Variants in EFHD2 observed in about 807,000 individuals in gnomAD.
The protein encoded by EFHD2 is EF-hand domain-containing protein D2.
Under a neutral mutation model 20.3 loss-of-function variants are expected in EFHD2, and 12 were observed. The ratio of observed to expected loss-of-function variants is 0.59; its 90% CI spans 0.38 to 0.96. EFHD2 has a LOEUF of 0.96. Among genes scored for constraint, EFHD2 ranks in the 40% least tolerant of loss-of-function variants. The pLI is 0.00. For missense variants in EFHD2, 250 were observed against 334.3 expected, an observed-to-expected ratio of 0.75 and a Z score of 1.97; for synonymous variants, 131 against 143.9, an observed-to-expected ratio of 0.91 and a Z score of 0.64.
intron 3 of EFHD2, chr1:15,428,126 G>A (rs1376380168): frequency 5.0e-6 from 2 of 396,450 alleles, no homozygotes; most frequent in Non-Finnish European, 1.0e-5. Flanking sequence ...CAGGGCCAGA[G>A]CTGGTGAGGT....
intron 1 of EFHD2, among the ~76,000 whole-genome samples, chr1:15,424,548 C>T (rs2103278882): frequency 6.6e-6 from 1 of 152,216 alleles, no homozygotes; most frequent in African/African-American, 2.4e-5. Flanking sequence ...GATGCTTGTT[C>T]CCGGCTTCCC....
At chr1:15,422,721 C>T (rs1015582278) in intron 1 of EFHD2, among the ~76,000 whole-genome samples, 2 of 151,986 alleles carry the variant, frequency 1.3e-5, no homozygotes, top group African/African-American at 2.4e-5. Context: ...ATTAGCCGAG[C>T]GTGGTGGCGG....
chr1:15,428,536 G>T, intron 3 of EFHD2, 57 bp from the exon 4 acceptor site: 1 of 1,563,056 alleles, frequency 6.4e-7, no homozygotes, highest in East Asian at 2.3e-5. Flanking sequence ...CTGTAGCACA[G>T]AGAACCCCCA....
chr1:15,412,032 C>T (rs1176948494), intron 1 of EFHD2, among the ~76,000 whole-genome samples: 2 of 152,090 alleles, frequency 1.3e-5, no homozygotes. Context: ...AAGTCCTTGA[C>T]CCCCGGCCCC....
chr1:15,415,337 T>A (rs1036412264), intron 1 of EFHD2, among the ~76,000 whole-genome samples: 1 of 152,126 alleles, frequency 6.6e-6, no homozygotes, highest in Non-Finnish European at 1.5e-5. Flanking sequence ...ATGCTGATGT[T>A]CTCTTTGTAG....
intron 1 of EFHD2, among the ~76,000 whole-genome samples, chr1:15,412,982 C>T (rs933492928): frequency 7.2e-5 from 11 of 152,126 alleles, no homozygotes; most frequent in Non-Finnish European, 1.3e-4. Flanking sequence ...GTGCTGCCTG[C>T]CAGGGCCCGG....
chr1:15,410,328 C>G, intron 1 of EFHD2, 49 bp downstream of exon 1: 3 of 1,510,808 alleles, frequency 2.0e-6, no homozygotes, highest in Non-Finnish European at 2.7e-6. Context: ...GACCCGGTCT[C>G]GGGCCCCGAA....
chr1:15,428,946 G>A lies in EFHD2; in HGVS notation c.*222G>A, dbSNP rs1393518437. ...GCCGCCACACCGGCGCTGGCTCCCT[G>A]CCCGGCCCGGCCCTCCCTGGCAATC... On this transcript the variant is annotated 3_prime_UTR_variant, in exon 4 of 4. Coordinates refer to ENST00000375980, the MANE Select transcript of EFHD2 (RefSeq NM_024329.6). The A allele has an allele frequency of 1.7e-6, 1 of 589,594 alleles. No individual in the cohort carries two copies. The highest frequency in any genetic ancestry group is 2.9e-6 in the Non-Finnish European group (1 of 349,252). 36.5% of individuals were successfully genotyped at this position (589,594 alleles called of 1,614,324 possible).
rs900796122 is a variant in EFHD2 at position 15,426,290 on chromosome 1, C to T, written c.456+272C>T. On this transcript the variant is annotated intron_variant, in intron 2 of 3. Transcript: ENST00000375980. The surrounding 1 kb of genome is among the most constrained non-coding windows in gnomAD (Gnocchi z 4.6). Reference sequence around the variant, plus strand: ...GCATATATTGAGCGATTTCTGTATACTTGACCCTGTGCAGGCTCTGGGGTA... The same window carrying T: ...GCATATATTGAGCGATTTCTGTATATTTGACCCTGTGCAGGCTCTGGGGTA... 6.6e-6 allele frequency among the ~76,000 whole-genome samples: 1 copy of T among 152,130 alleles called. No homozygotes were observed. The highest frequency in any genetic ancestry group is 1.5e-5 in the Non-Finnish European group (1 of 68,022).
In EFHD2 at chr1:15,409,897, G is replaced by C. The variant is rs1259957895; in HGVS notation, c.-75G>C. The C allele has an allele frequency of 5.0e-6, 6 of 1,189,346 alleles. No individual in the cohort carries two copies. Among genetic ancestry groups the C allele is most frequent in the Non-Finnish European group, 6.2e-6 (6 of 961,780 alleles). 73.7% of individuals were successfully genotyped at this position (1,189,346 alleles called of 1,614,324 possible). ...CGGTGCCTGGCCCGGGGAGTGTCAG[G>C]AAGAGGAAGAGCGCGGCCGGCGGCG... On this transcript the variant is annotated 5_prime_UTR_variant, in exon 1 of 4. Transcript: ENST00000375980.
chr1:15,414,813 G>A (rs952124548), intron 1 of EFHD2, among the ~76,000 whole-genome samples: 2 of 152,198 alleles, frequency 1.3e-5, no homozygotes, highest in African/African-American at 4.8e-5. Flanking sequence ...CAAAAAGGGA[G>A]AAATGAATTC....
chr1:15,428,588 C>T lies in EFHD2; in HGVS notation c.592-5C>T, dbSNP rs542703027. ...CCTGACCCCCTCACCCCCATGCCCC[C>T]GCAGGTCCAGGCCATCAACGTGTCC... On this transcript the variant is annotated splice_polypyrimidine_tract_variant and splice_region_variant and intron_variant, in intron 3 of 3. Transcript: ENST00000375980. 38 of 1,610,342 alleles carry T rather than the reference C, an allele frequency of 2.4e-5. No individual in the cohort carries two copies. Among genetic ancestry groups the T allele is most frequent in the Non-Finnish European group, 3.1e-5 (37 of 1,178,692 alleles).
chr1:15,410,260 A>G lies in EFHD2; in HGVS notation c.289A>G (p.Met97Val). The G allele has an allele frequency of 6.2e-7, 1 of 1,600,128 alleles. No individual in the cohort carries two copies. The highest frequency in any genetic ancestry group is 8.5e-7 in the Non-Finnish European group (1 of 1,174,512). ...GTTCTCCAGGAAGCAGATCAAGGAC[A>G]TGGAGAAGATGTTCAAGCAGTAAGT... ...KEFSRKQIKD[M>V]EKMFKQYDAG... is the part of the protein sequence containing the mutation. The change falls in exon 1 of 4, where the codon ATG becomes GTG. Residue 97 changes from methionine (M) to valine (V), a missense_variant. Coordinates refer to ENST00000375980, the MANE Select transcript of EFHD2 (RefSeq NM_024329.6).
At chr1:15,423,516 T>A (rs886947191) in intron 1 of EFHD2, among the ~76,000 whole-genome samples, 5 of 152,220 alleles carry the variant, frequency 3.3e-5, no homozygotes, top group African/African-American at 7.2e-5. Context: ...TGCAAGTTTA[T>A]GAGCCCAGCA....
At chr1:15,425,543 G>T (rs1437868295) in intron 1 of EFHD2, among the ~76,000 whole-genome samples, 2 of 151,844 alleles carry the variant, frequency 1.3e-5, no homozygotes, top group Non-Finnish European at 2.9e-5. Flanking sequence ...AAAACCCAGA[G>T]AATTCCTTCT....
chr1:15,410,348 C>T (rs1339102708), intron 1 of EFHD2, 69 bp downstream of exon 1: 4 of 1,462,756 alleles, frequency 2.7e-6, no homozygotes, highest in Non-Finnish European at 2.7e-6. Context: ...ACCCCCCGAT[C>T]CCCGGATCCC....
intron 1 of EFHD2, among the ~76,000 whole-genome samples, chr1:15,424,723 G>A (rs1423541509): frequency 2.0e-5 from 3 of 152,114 alleles, no homozygotes; most frequent in East Asian, 1.9e-4. Context: ...ATTTATTCAC[G>A]TCTTATTTCT....
At chr1:15,418,054 A>G (rs898602705) in intron 1 of EFHD2, among the ~76,000 whole-genome samples, 69 of 138,262 alleles carry the variant, frequency 5.0e-4, no homozygotes, top group Non-Finnish European at 1.8e-4. Context: ...CAGTGGCACA[A>G]TCTTGGCTCA....
chr1:15,411,573 C>T (rs1398850259), intron 1 of EFHD2, among the ~76,000 whole-genome samples: 2 of 152,140 alleles, frequency 1.3e-5, no homozygotes, highest in African/African-American at 4.8e-5. Flanking sequence ...ACCTCCTGTT[C>T]CCTGTCCCCC....
Sources: gnomAD v4.1 joint callset for allele counts (sites outside exome capture counted in the v4.1 genomes callset) on GRCh38, gnomAD v4.1.1 for gene constraint, Gnocchi (gnomAD v3.1) non-coding constraint, MANE v1.5 for transcripts, NCBI Gene and HGNC (gene_info 2026-07-23, HGNC 2026-07-21) for gene names.